Variants in PTPRM observed in about 807,000 individuals in gnomAD.
PTPRM encodes protein tyrosine phosphatase receptor type M.
In PTPRM, 47 loss-of-function variants were observed where a neutral mutation model predicts 186.7. The observed-to-expected ratio is 0.25, with a 90% CI of 0.20 to 0.32. The LOEUF (loss-of-function observed/expected upper bound fraction) is 0.32, where lower values mean the gene tolerates loss of function less well. Among genes scored for constraint, PTPRM ranks in the 10% least tolerant of loss-of-function variants. PTPRM has a pLI of 1.00. For synonymous variants in PTPRM, 668 were observed against 674.9 expected, an observed-to-expected ratio of 0.99 and a Z score of 0.16; for missense variants, 1,494 against 1,865.0, an observed-to-expected ratio of 0.80 and a Z score of 3.66.
At position 7,735,947 on chromosome 18, in the gene PTPRM, C is replaced by T. The variant is rs114928898; in HGVS notation, c.74-38202C>T. Among the ~76,000 whole-genome samples the T allele has an allele frequency of 8.4e-3, 1,281 of 151,940 alleles. 21 individuals carry two copies. The highest frequency in any genetic ancestry group is 0.029 in the African/African-American group (1,213 of 41,414). On this transcript the variant is annotated intron_variant, in intron 1 of 32. Coordinates refer to ENST00000580170, the MANE Select transcript of PTPRM (RefSeq NM_001105244.2). ...GAATCCTTCTTTGACCTGAAAGCACCGCCTCCCCCCACCCCACCCTGGCCA... is the reference window on the plus strand; with the variant it reads ...GAATCCTTCTTTGACCTGAAAGCACTGCCTCCCCCCACCCCACCCTGGCCA...
intron 1 of PTPRM, among the ~76,000 whole-genome samples, chr18:7,678,960 C>T (rs1384817854): frequency 1.3e-5 from 2 of 152,156 alleles, no homozygotes; most frequent in East Asian, 3.9e-4. Flanking sequence ...CAGTCATCAC[C>T]AGATGCTTTC....
intron 6 of PTPRM, among the ~76,000 whole-genome samples, chr18:7,951,279 T>C (rs1027972630): frequency 8.5e-5 from 13 of 152,332 alleles, no homozygotes; most frequent in Non-Finnish European, 2.9e-5. Context: ...AGTTCATCAT[T>C]ATCATCATCA....
chr18:7,925,150 A>G (rs2051097138), intron 4 of PTPRM, among the ~76,000 whole-genome samples: 1 of 152,190 alleles, frequency 6.6e-6, no homozygotes, highest in Non-Finnish European at 1.5e-5. Flanking sequence ...AGAGAAATTC[A>G]TTTAGGGACT....
chr18:8,149,722 C>A (rs73389732), intron 14 of PTPRM, among the ~76,000 whole-genome samples: 1 of 151,958 alleles, frequency 6.6e-6, no homozygotes, highest in Non-Finnish European at 1.5e-5. Context: ...CCCGTTAGTT[C>A]ATATAATTTC....
intron 13 of PTPRM, among the ~76,000 whole-genome samples, chr18:8,125,933 CCAACCCTGACATGCTGTGGAGA>C (rs1439931756): frequency 7.4e-6 from 1 of 134,364 alleles, no homozygotes; most frequent in Non-Finnish European, 1.6e-5. Flanking sequence ...AATAACCCAG[CCAACCCTGACATGCTGTGGAGA>C]ATGCTATATG....
chr18:8,355,164 A>T (rs1241947717), intron 23 of PTPRM, among the ~76,000 whole-genome samples: 1 of 152,196 alleles, frequency 6.6e-6, no homozygotes, highest in Non-Finnish European at 1.5e-5. Context: ...CCCTGTACAC[A>T]GGGAGGGGGC....
intron 1 of PTPRM, among the ~76,000 whole-genome samples, chr18:7,633,335 T>C (rs1015838879): frequency 2.6e-5 from 4 of 152,192 alleles, no homozygotes; most frequent in Admixed American, 2.6e-4. Context: ...TACCTAATCT[T>C]AGGAGGAGTC....
intron 7 of PTPRM, among the ~76,000 whole-genome samples, chr18:8,038,431 G>T (rs953386756): frequency 1.5e-5 from 2 of 137,100 alleles, no homozygotes; most frequent in Non-Finnish European, 3.0e-5. Flanking sequence ...TCACTCTGTC[G>T]CCCAAACTGG....
intron 7 of PTPRM, among the ~76,000 whole-genome samples, chr18:8,036,032 A>G (rs1568225986): frequency 6.6e-6 from 1 of 152,214 alleles, no homozygotes; most frequent in Non-Finnish European, 1.5e-5. Flanking sequence ...CACTCCAAAT[A>G]TTATTGAAAT....
intron 5 of PTPRM, among the ~76,000 whole-genome samples, chr18:7,926,903 C>A (rs1256139085): frequency 6.6e-6 from 1 of 151,518 alleles, no homozygotes; most frequent in Non-Finnish European, 1.5e-5. Context: ...GCTTAGTCAT[C>A]TTGCTTGGAA....
chr18:8,099,765 G>A (rs1310505624), intron 11 of PTPRM, among the ~76,000 whole-genome samples: 1 of 152,176 alleles, frequency 6.6e-6, no homozygotes, highest in Non-Finnish European at 1.5e-5. Flanking sequence ...CAAGTTAATA[G>A]TTTAGAAAGG....
intron 32 of PTPRM, chr18:8,399,957 T>A (rs2095863485): frequency 6.6e-6 from 1 of 152,310 alleles, no homozygotes; most frequent in African/African-American, 2.4e-5. Context: ...GTGATGGTCA[T>A]AACCCTTCGC....
chr18:7,745,969 G>A (rs2040976736), intron 1 of PTPRM, among the ~76,000 whole-genome samples: 1 of 152,020 alleles, frequency 6.6e-6, no homozygotes, highest in South Asian at 2.1e-4. Context: ...AGACAAAGAT[G>A]GAAAATACAG....
intron 14 of PTPRM, among the ~76,000 whole-genome samples, chr18:8,170,407 A>T (rs1355820275): frequency 4.6e-5 from 7 of 152,090 alleles, no homozygotes; most frequent in Admixed American, 4.6e-4. Flanking sequence ...GTAAATTTGT[A>T]AATGAGCTGA....
rs184049201 is a variant in PTPRM, at chr18:7,743,904, A to C, written c.74-30245A>C. Among the ~76,000 whole-genome samples the C allele has an allele frequency of 8.9e-4, 136 of 152,286 alleles. 1 individual carries two copies. Among genetic ancestry groups the C allele is most frequent in the African/African-American group, 3.2e-3 (131 of 41,556 alleles). On this transcript the variant is annotated intron_variant, in intron 1 of 32. Coordinates refer to ENST00000580170, the MANE Select transcript of PTPRM (RefSeq NM_001105244.2). ...AGAGCTTAGTGTGCTCTTTTCTAAG[A>C]GGCTTCATGAGTATCCCGAAATAAC...
At chr18:7,572,356 G>A (rs1018488762) in intron 1 of PTPRM, among the ~76,000 whole-genome samples, 6 of 152,060 alleles carry the variant, frequency 3.9e-5, no homozygotes, top group Non-Finnish European at 7.4e-5. Flanking sequence ...ATGAAGCATA[G>A]CCTAGCCTTT....
chr18:8,050,882 T>A (rs2087445852), intron 7 of PTPRM, among the ~76,000 whole-genome samples: 1 of 152,066 alleles, frequency 6.6e-6, no homozygotes, highest in Admixed American at 6.6e-5. Flanking sequence ...CCATTTCATA[T>A]CTAGCACTAA....
chr18:7,754,132 C>G (rs1471332660), intron 1 of PTPRM, among the ~76,000 whole-genome samples: 1 of 152,176 alleles, frequency 6.6e-6, no homozygotes, highest in Non-Finnish European at 1.5e-5. Flanking sequence ...GATTAGTTGA[C>G]ATTTTAAGTC....
At chr18:7,973,739 A>G (rs1267837257) in intron 7 of PTPRM, among the ~76,000 whole-genome samples, 1 of 152,170 alleles carries the variant, frequency 6.6e-6, no homozygotes, top group Non-Finnish European at 1.5e-5. Context: ...CATACTCATT[A>G]ATACACACAA....
Sources: gnomAD v4.1 joint callset for allele counts (sites outside exome capture counted in the v4.1 genomes callset) on GRCh38, gnomAD v4.1.1 for gene constraint, MANE v1.5 for transcripts, NCBI Gene and HGNC (gene_info 2026-07-23, HGNC 2026-07-21) for gene names.